ERCC4: variants seen among roughly 807,000 people sequenced by gnomAD.
ERCC4 encodes the protein DNA repair endonuclease XPF.
ERCC4 carries 65 observed loss-of-function variants against 76.9 expected under a neutral mutation model. The ratio of observed to expected loss-of-function variants is 0.84; its 90% CI spans 0.69 to 1.04. ERCC4 has a LOEUF of 1.04. Among genes scored for constraint, ERCC4 ranks in the 50% least tolerant of loss-of-function variants. The probability of loss-of-function intolerance (pLI) is 0.00; values close to 1 mark genes in which losing one functional copy is unlikely to be tolerated. For missense variants in ERCC4, 1,214 were observed against 1,128.2 expected, an observed-to-expected ratio of 1.08 and a Z score of -1.09; for synonymous variants, 463 against 410.1, an observed-to-expected ratio of 1.13 and a Z score of -1.56.
At chr16:13,944,930 ACT>A in intron 10 of ERCC4, 95 bp downstream of exon 10, 6 of 791,838 alleles carry the variant, frequency 7.6e-6, no homozygotes, top group Non-Finnish European at 1.3e-5. Context: ...GTATTAACAA[ACT>A]CTTAAAAATG....
intron 9 of ERCC4, among the ~76,000 whole-genome samples, chr16:13,939,771 C>T (rs1234505994): frequency 6.6e-6 from 1 of 151,896 alleles, no homozygotes; most frequent in African/African-American, 2.4e-5. Flanking sequence ...AGGTGGTAGC[C>T]AAGATTAGGT....
intron 2 of ERCC4, chr16:13,922,787 G>C (rs2141940794): frequency 9.4e-6 from 2 of 211,892 alleles, no homozygotes; most frequent in Non-Finnish European, 1.9e-5. Context: ...GGATCCTTTT[G>C]TTCAACATTA....
chr16:13,947,594 T>C lies in ERCC4; in HGVS notation c.2018-20T>C, dbSNP rs1421286876. 6.2e-7 allele frequency: 1 copy of C among 1,613,926 alleles called. No homozygotes were observed. ...TTTGAGAGTTCTTCCCCAGTGACATTACTTACTTTTTCTCTGTAGGTGGCC... is the reference window on the plus strand; with the variant it reads ...TTTGAGAGTTCTTCCCCAGTGACATCACTTACTTTTTCTCTGTAGGTGGCC... On this transcript the variant is annotated intron_variant, in intron 10 of 10. Coordinates refer to ENST00000311895, the MANE Select transcript of ERCC4 (RefSeq NM_005236.3).
chr16:13,946,960 C>T (rs958470013), intron 10 of ERCC4, among the ~76,000 whole-genome samples: 1 of 152,146 alleles, frequency 6.6e-6, no homozygotes, highest in African/African-American at 2.4e-5. Context: ...CGGGGTTTCA[C>T]CATGTTAGCC....
intron 4 of ERCC4, among the ~76,000 whole-genome samples, chr16:13,929,691 T>C (rs533145150): frequency 1.3e-5 from 2 of 152,270 alleles, no homozygotes; most frequent in South Asian, 2.1e-4. Flanking sequence ...ATTGGCCGGG[T>C]GCGGTGGCTC....
Position 13,948,265 on chromosome 16 carries a change from A to G in ERCC4, c.2669A>G (p.Asn890Ser). The G allele has an allele frequency of 6.2e-7, 1 of 1,614,140 alleles. No individual in the cohort carries two copies. Among genetic ancestry groups the G allele is most frequent in the Non-Finnish European group, 8.5e-7 (1 of 1,180,022 alleles). Residue 890 changes from asparagine to serine, a missense_variant, in exon 11 of 11, where the codon AAT becomes AGT. Coordinates refer to ENST00000311895, the MANE Select transcript of ERCC4 (RefSeq NM_005236.3). ...SQDELTSILGNAANAKQLYDF... is the reference protein window; with the variant it reads ...SQDELTSILGSAANAKQLYDF... ...GACGAGCTCACGAGTATTCTGGGGA[A>G]TGCTGCAAATGCCAAACAGCTTTAT...
chr16:13,943,468 G>T (rs749405949), intron 9 of ERCC4, among the ~76,000 whole-genome samples: 1 of 152,240 alleles, frequency 6.6e-6, no homozygotes, highest in Middle Eastern at 3.4e-3. Context: ...ATCAGATCTC[G>T]TGAGAACTCA....
rs2032621749 is a variant in ERCC4, at chr16:13,951,115, G to C, written c.*2768G>C. On this transcript the variant is annotated 3_prime_UTR_variant, in exon 11 of 11. Transcript: ENST00000311895. ...ATATTTCAATGTATTTCCAGTTTTG[G>C]AAAGTTTTCAATACATACATCAAGT... The C allele has an allele frequency of 1.1e-5, 2 of 186,172 alleles. No individual in the cohort carries two copies. Among genetic ancestry groups the C allele is most frequent in the African/African-American group, 4.7e-5 (2 of 42,734 alleles). 11.5% of individuals were successfully genotyped at this position (186,172 alleles called of 1,614,324 possible).
intron 9 of ERCC4, among the ~76,000 whole-genome samples, chr16:13,943,074 A>G (rs1005589824): frequency 9.2e-5 from 14 of 152,202 alleles, no homozygotes; most frequent in South Asian, 2.1e-4. Flanking sequence ...TCTACTTATA[A>G]AATTTGTACT....
intron 10 of ERCC4, among the ~76,000 whole-genome samples, chr16:13,946,629 G>A (rs967115822): frequency 6.6e-6 from 1 of 152,198 alleles, no homozygotes; most frequent in Non-Finnish European, 1.5e-5. Context: ...AGCAGCCCTT[G>A]ATACTTAAAA....
At chr16:13,933,045 C>CAAAAAAA (rs11337706) in intron 6 of ERCC4, 153 of 217,376 alleles carry the variant, frequency 7.0e-4, no homozygotes, top group South Asian at 1.3e-3. Context: ...GACTCGGTCT[C>CAAAAAAA]AAAAAAAAAA....
intron 3 of ERCC4, chr16:13,927,314 T>G (rs980491451): frequency 7.3e-5 from 12 of 163,600 alleles, no homozygotes; most frequent in Non-Finnish European, 1.3e-4. Context: ...ATCCCAGCGC[T>G]TTGGGAGGCC....
rs761699907 is a variant in ERCC4, at chr16:13,948,115, A to C, written c.2519A>C (p.Glu840Ala). 1 of 1,614,174 alleles carries C rather than the reference A, an allele frequency of 6.2e-7. No homozygotes were observed. Among genetic ancestry groups the C allele is most frequent in the Non-Finnish European group, 8.5e-7 (1 of 1,180,040 alleles). The change falls in exon 11 of 11, where the codon GAG (glutamate) becomes GCG (alanine). Residue 840 changes from glutamate (E) to alanine (A), a missense_variant. Physicochemically the swap from Glu to Ala is moderately radical, Grantham distance 107. Transcript: ENST00000311895. ...ACAGCAGATTCTGAAACCCTTCCCG[A>C]GTCAGAGAAGTATAATCCTGGTCCC... ...AITADSETLP[E>A]SEKYNPGPQD...
rs929043647 is a variant in ERCC4, at chr16:13,950,923, C to G, written c.*2576C>G. ...AAAATTGCACTAATACCAGTGCCCCCCTGGCTCTCCAAATCTGTTCTTTGC... is the reference window on the plus strand; with the variant it reads ...AAAATTGCACTAATACCAGTGCCCCGCTGGCTCTCCAAATCTGTTCTTTGC... On this transcript the variant is annotated 3_prime_UTR_variant, in exon 11 of 11. Coordinates refer to ENST00000311895, the MANE Select transcript of ERCC4 (RefSeq NM_005236.3). 4.7e-5 allele frequency: 9 copies of G among 190,408 alleles called. No homozygotes were observed. The highest frequency in any genetic ancestry group is 9.8e-5 in the Non-Finnish European group (9 of 91,980). The allele number at this position is 190,408 out of a possible 1,614,324, so 11.8% of individuals were successfully genotyped here. A position where few individuals can be genotyped will look rare whatever the true frequency, so the allele number is the denominator to read the frequency against.
At chr16:13,933,707 TA>T (rs549926995) in intron 6 of ERCC4, 137 of 147,632 alleles carry the variant, frequency 9.3e-4, no homozygotes, top group Non-Finnish European at 1.2e-3. Context: ...AACTTCGTCT[TA>T]AAAAAAAAAA....
intron 9 of ERCC4, among the ~76,000 whole-genome samples, 186 bp from the exon 10 acceptor site, chr16:13,944,537 T>G (rs1258348096): frequency 6.6e-6 from 1 of 152,226 alleles, no homozygotes; most frequent in Admixed American, 6.5e-5. Flanking sequence ...TTTACTGACT[T>G]TTTCTACTTC....
At position 13,935,323 on chromosome 16, in the gene ERCC4, A is replaced by G; in HGVS notation, c.1391A>G (p.Lys464Arg). 1 of 1,613,812 alleles carries G rather than the reference A, an allele frequency of 6.2e-7. No homozygotes were observed. The highest frequency in any genetic ancestry group is 1.7e-4 in the Middle Eastern group (1 of 6,060). The change falls in exon 8 of 11, where the codon AAA becomes AGA. Residue 464 changes from lysine to arginine, a missense_variant. Lys to Arg is a conservative substitution (Grantham distance 26). Coordinates refer to ENST00000311895, the MANE Select transcript of ERCC4 (RefSeq NM_005236.3). ...RKEDSSKRIR[K>R]SHKRPKDPQN... ...GAAGACAGTTCAAAGAGAATTAGGA[A>G]ATCTCACAAAAGACCTAAAGACCCC...
At position 13,930,787 on chromosome 16, in the gene ERCC4, A is replaced by T; in HGVS notation, c.870A>T (p.Ile290=). The change falls in exon 5 of 11, where the codon ATA becomes ATT. Residue 290 remains isoleucine, a synonymous_variant. Transcript: ENST00000311895. ...AATCCTTAGTTCAGGATTTGAAGAT[A>T]TTACGAACTTTGCTGCAGTATCTCT... ...KTKSLVQDLK[I]LRTLLQYLSQ... 1 of 1,612,524 alleles carries T rather than the reference A, an allele frequency of 6.2e-7. No homozygotes were observed. Among genetic ancestry groups the T allele is most frequent in the South Asian group, 1.1e-5 (1 of 91,022 alleles).
chr16:13,948,041 G>A lies in ERCC4; in HGVS notation c.2445G>A (p.Glu815=), dbSNP rs2032555651. 6.2e-7 allele frequency: 1 copy of A among 1,614,154 alleles called. No homozygotes were observed. The highest frequency in any genetic ancestry group is 8.5e-7 in the Non-Finnish European group (1 of 1,180,032). ...SPHATAELFE[E]LKQSKPQPDA... ...ATGCAACGGCGGAGTTGTTTGAGGAGCTGAAACAAAGCAAGCCACAGCCTG... is the reference window on the plus strand; with the variant it reads ...ATGCAACGGCGGAGTTGTTTGAGGAACTGAAACAAAGCAAGCCACAGCCTG... Residue 815 remains glutamate (E), a synonymous_variant, in exon 11 of 11, where the codon GAG becomes GAA. Transcript: ENST00000311895.
Sources: allele counts gnomAD v4.1 joint callset (sites outside exome capture counted in the v4.1 genomes callset), GRCh38; gene constraint gnomAD v4.1.1; transcripts MANE v1.5; gene names NCBI Gene and HGNC (gene_info 2026-07-23, HGNC 2026-07-21).